ZDHHC2: variants seen among roughly 807,000 people sequenced by gnomAD.
The protein encoded by ZDHHC2 is palmitoyltransferase ZDHHC2.
Under a neutral mutation model 55.6 loss-of-function variants are expected in ZDHHC2, and 51 were observed. That is an observed-to-expected ratio of 0.92 (90% CI 0.73 to 1.16). The LOEUF (loss-of-function observed/expected upper bound fraction) is 1.16, where lower values mean the gene tolerates loss of function less well. Among genes scored for constraint, ZDHHC2 ranks in the 50% most tolerant of loss-of-function variants. The pLI is 0.00. For missense variants in ZDHHC2, 491 were observed against 442.4 expected (o/e 1.11, Z -0.99); for synonymous variants, 199 against 152.9 (o/e 1.30, Z -2.22).
intron 8 of ZDHHC2, among the ~76,000 whole-genome samples, 172 bp downstream of exon 8, chr8:17,208,264 C>G (rs927697352): frequency 7.4e-5 from 11 of 149,570 alleles, no homozygotes; most frequent in Non-Finnish European, 1.6e-4. Flanking sequence ...TTTGCTCATT[C>G]CATATATTTA....
chr8:17,184,343 A>T (rs1805596000), intron 1 of ZDHHC2, among the ~76,000 whole-genome samples: 1 of 152,184 alleles, frequency 6.6e-6, no homozygotes, highest in Non-Finnish European at 1.5e-5. Context: ...AGGGGGAAAA[A>T]AAGTGTGTGC....
intron 1 of ZDHHC2, among the ~76,000 whole-genome samples, chr8:17,182,553 A>C (rs1258800864): frequency 1.3e-5 from 2 of 152,170 alleles, no homozygotes; most frequent in African/African-American, 2.4e-5. Context: ...ATTATTTACT[A>C]TAAAGATGAA....
chr8:17,163,098 T>C lies in ZDHHC2; in HGVS notation c.130+6245T>C, dbSNP rs1253423489. Among the ~76,000 whole-genome samples, 6 of 152,190 alleles carry C rather than the reference T, an allele frequency of 3.9e-5. No homozygotes were observed. In the South Asian group the frequency reaches 6.2e-4, roughly 16 times the overall value. On this transcript the variant is annotated intron_variant, in intron 1 of 12. Transcript: ENST00000262096. ...CCTTGTGGGTGAAACTGGGCATGAA[T>C]GCAACTCTCTGAATCCACGGCGAGC...
intron 12 of ZDHHC2, among the ~76,000 whole-genome samples, chr8:17,219,701 G>T (rs1017425944): frequency 2.6e-5 from 4 of 152,124 alleles, no homozygotes; most frequent in Admixed American, 6.6e-5. Flanking sequence ...TTGAGCCAGG[G>T]AGGCGGAATT....
In ZDHHC2 at chr8:17,173,655, T is replaced by C. The variant is rs539266061; in HGVS notation, c.131-11134T>C. Among the ~76,000 whole-genome samples the C allele has an allele frequency of 3.1e-3, 458 of 149,766 alleles. 2 individuals carry two copies. Among genetic ancestry groups the C allele is most frequent in the Non-Finnish European group, 4.9e-3 (333 of 67,420 alleles). ...CGTGATTGCACCACTGCATTCCAGC[T>C]TGAGAGACGGAAAAAGACCCTGTCT... On this transcript the variant is annotated intron_variant, in intron 1 of 12. Transcript: ENST00000262096.
intron 10 of ZDHHC2, among the ~76,000 whole-genome samples, chr8:17,214,890 C>T (rs1807571603): frequency 6.6e-6 from 1 of 152,018 alleles, no homozygotes; most frequent in Non-Finnish European, 1.5e-5. Flanking sequence ...TGAGATTCTT[C>T]CTCAAAAATA....
chr8:17,186,324 A>G lies in ZDHHC2; in HGVS notation c.158-7A>G, dbSNP rs376729226. ...TTATAATGATAATTATGTTTTTCTC[A>G]TTTTAGTTGTGTGCCTGATGGCCTA... On this transcript the variant is annotated splice_polypyrimidine_tract_variant and splice_region_variant and intron_variant, in intron 2 of 12. Coordinates refer to ENST00000262096, the MANE Select transcript of ZDHHC2 (RefSeq NM_016353.5). 2.5e-6 allele frequency: 4 copies of G among 1,574,518 alleles called. No individual in the cohort carries two copies. The highest frequency in any genetic ancestry group is 2.7e-5 in the African/African-American group (2 of 73,704).
intron 11 of ZDHHC2, 107 bp from the exon 12 acceptor site, chr8:17,217,065 C>T: frequency 9.9e-7 from 1 of 1,012,232 alleles, no homozygotes; most frequent in African/African-American, 1.6e-5. Flanking sequence ...ATGTACAAGG[C>T]ACCTTTGGAA....
rs1368396947 is a variant in ZDHHC2 at position 17,198,326 on chromosome 8, AAT to A, written c.444-52_444-51del. On this transcript the variant is annotated intron_variant, in intron 5 of 12. Coordinates refer to ENST00000262096, the MANE Select transcript of ZDHHC2 (RefSeq NM_016353.5). ...ACCATAATTTATATTTTTATAATTTAATATGATTAAAATTTCATGGGGTATTA... is the reference window on the plus strand; with the variant it reads ...ACCATAATTTATATTTTTATAATTTAATGATTAAAATTTCATGGGGTATTA... The A allele has an allele frequency of 3.4e-6, 5 of 1,463,214 alleles. No homozygotes were observed. In the African/African-American group the frequency reaches 7.2e-5, roughly 21 times the overall value. The allele number at this position is 1,463,214 out of a possible 1,614,324, so 90.6% of individuals were successfully genotyped here. A position where few individuals can be genotyped will look rare whatever the true frequency, so the allele number is the denominator to read the frequency against.
intron 3 of ZDHHC2, among the ~76,000 whole-genome samples, chr8:17,189,998 A>G (rs879932628): frequency 2.6e-5 from 4 of 152,216 alleles, no homozygotes; most frequent in African/African-American, 7.2e-5. Context: ...TCACTACACC[A>G]TGCTCTAGTA....
chr8:17,192,418 G>A (rs202020337), intron 3 of ZDHHC2, among the ~76,000 whole-genome samples: 127 of 152,256 alleles, frequency 8.3e-4, no homozygotes, highest in African/African-American at 2.1e-3. Context: ...TTTGTGTGTC[G>A]TCTTTTGAGA....
At chr8:17,194,345 AAT>A (rs34831146) in intron 3 of ZDHHC2, among the ~76,000 whole-genome samples, 21,137 of 146,804 alleles carry the variant, frequency 0.14, 2,116 homozygotes, top group African/African-American at 0.28. Flanking sequence ...TAAATATATA[AAT>A]ATATATATAT....
chr8:17,169,267 T>G (rs1337800110), intron 1 of ZDHHC2, among the ~76,000 whole-genome samples: 1 of 150,828 alleles, frequency 6.6e-6, no homozygotes, highest in African/African-American at 2.5e-5. Flanking sequence ...TCTTGCCATT[T>G]CATGGTTCAG....
chr8:17,180,952 A>G lies in ZDHHC2; in HGVS notation c.131-3837A>G, dbSNP rs146450116. On this transcript the variant is annotated intron_variant, in intron 1 of 12. Coordinates refer to ENST00000262096, the MANE Select transcript of ZDHHC2 (RefSeq NM_016353.5). ...AGTTGCTTGAAGCCCAGTTGAAGCC[A>G]GTATCTCCCTCAGCTTTTTCCTTTT... 4.2e-4 allele frequency among the ~76,000 whole-genome samples: 64 copies of G among 152,316 alleles called. No homozygotes were observed. In the East Asian group the frequency reaches 8.9e-3, roughly 21 times the overall value.
At chr8:17,163,192 C>G (rs1804436050) in intron 1 of ZDHHC2, among the ~76,000 whole-genome samples, 1 of 152,162 alleles carries the variant, frequency 6.6e-6, no homozygotes, top group African/African-American at 2.4e-5. Context: ...GACGTTGCAC[C>G]TGAGGAACAG....
chr8:17,172,539 C>T (rs775210167), intron 1 of ZDHHC2, among the ~76,000 whole-genome samples: 27 of 152,140 alleles, frequency 1.8e-4, no homozygotes, highest in Admixed American at 1.0e-3. Flanking sequence ...CTCAACCATA[C>T]GGTATTATGC....
At chr8:17,178,599 A>G (rs946380280) in intron 1 of ZDHHC2, among the ~76,000 whole-genome samples, 2 of 152,194 alleles carry the variant, frequency 1.3e-5, no homozygotes, top group African/African-American at 4.8e-5. Context: ...ACATGTTTCA[A>G]TAAAACTTTA....
At chr8:17,201,587 G>T (rs1806773760) in intron 6 of ZDHHC2, among the ~76,000 whole-genome samples, 1 of 143,832 alleles carries the variant, frequency 7.0e-6, no homozygotes, top group East Asian at 2.1e-4. Flanking sequence ...CCGCCTCCTG[G>T]GTTCATGCCA....
At chr8:17,168,395 G>A (rs983896167) in intron 1 of ZDHHC2, among the ~76,000 whole-genome samples, 1 of 152,178 alleles carries the variant, frequency 6.6e-6, no homozygotes, top group African/African-American at 2.4e-5. Context: ...GTGACCAGAG[G>A]TGAGAAAACT....
Sources: gnomAD v4.1 joint callset for allele counts (sites outside exome capture counted in the v4.1 genomes callset) on GRCh38, gnomAD v4.1.1 for gene constraint, MANE v1.5 for transcripts, NCBI Gene and HGNC (gene_info 2026-07-23, HGNC 2026-07-21) for gene names.